CFAP221: variants seen among roughly 807,000 people sequenced by gnomAD.
CFAP221 encodes cilia and flagella associated protein 221.
A neutral mutation model predicts 113.1 loss-of-function variants in CFAP221; 97 were observed. That is an observed-to-expected ratio of 0.86 (90% CI 0.73 to 1.02). The LOEUF is 1.02. Among genes scored for constraint, CFAP221 ranks in the 50% least tolerant of loss-of-function variants. The pLI is 0.00. For synonymous variants in CFAP221, 331 were observed against 354.4 expected (o/e 0.93, Z 0.74); for missense variants, 1,025 against 1,013.4 (o/e 1.01, Z -0.16).
intron 14 of CFAP221, among the ~76,000 whole-genome samples, chr2:119,622,470 A>G (rs1685999411): frequency 6.6e-6 from 1 of 152,218 alleles, no homozygotes; most frequent in Admixed American, 6.5e-5. Flanking sequence ...TCCTTCTGAA[A>G]CTATTCCAAA....
At chr2:119,638,182 C>A in intron 19 of CFAP221, 77 bp from the exon 20 acceptor site, 3 of 1,485,088 alleles carry the variant, frequency 2.0e-6, no homozygotes, top group Non-Finnish European at 2.8e-6. Context: ...CCACAGACAG[C>A]ATTAGCTGAT....
chr2:119,593,530 G>A (rs1345200456), intron 7 of CFAP221, among the ~76,000 whole-genome samples: 2 of 152,086 alleles, frequency 1.3e-5, no homozygotes, highest in Non-Finnish European at 2.9e-5. Context: ...GTGGGGAGGT[G>A]CCAGGTTCTT....
At chr2:119,566,427 G>A (rs534018798) in intron 6 of CFAP221, among the ~76,000 whole-genome samples, 42 of 152,254 alleles carry the variant, frequency 2.8e-4, no homozygotes, top group Non-Finnish European at 3.1e-4. Flanking sequence ...TCTCACCTTT[G>A]GTCTCCTAGC....
chr2:119,572,121 A>C (rs1682102743), intron 6 of CFAP221, among the ~76,000 whole-genome samples: 4 of 152,170 alleles, frequency 2.6e-5, no homozygotes, highest in Admixed American at 2.6e-4. Context: ...GATGGTTATA[A>C]ATTTTCCTTA....
chr2:119,632,000 G>T (rs1467531043), intron 19 of CFAP221, among the ~76,000 whole-genome samples: 1 of 152,170 alleles, frequency 6.6e-6, no homozygotes, highest in Non-Finnish European at 1.5e-5. Context: ...ATCTGTTAAA[G>T]AAATTGAATT....
intron 16 of CFAP221, among the ~76,000 whole-genome samples, chr2:119,628,365 A>C (rs916770027): frequency 6.8e-6 from 1 of 147,800 alleles, no homozygotes; most frequent in African/African-American, 2.5e-5. Flanking sequence ...CAGGAGGTAT[A>C]ATGGCTCATC....
rs561545728 is a variant in CFAP221 at position 119,621,909 on chromosome 2, G to A, written c.1411-3674G>A. On this transcript the variant is annotated intron_variant, in intron 14 of 23. Transcript: ENST00000413369. The stretch of plus-strand genomic sequence containing the variant: ...AGTAATGTTTAGAGGGAAATTTATA[G>A]CACTAAATGCCCACAGGAGAAAGCA... Among the ~76,000 whole-genome samples, 7 of 152,290 alleles carry A rather than the reference G, an allele frequency of 4.6e-5. No homozygotes were observed. The South Asian group carries it at 1.5e-3, about 32-fold the overall frequency.
In CFAP221 at chr2:119,611,745, G is replaced by T; in HGVS notation, c.1311+3G>T. 6.2e-7 allele frequency: 1 copy of T among 1,606,802 alleles called. No individual in the cohort carries two copies. The highest frequency in any genetic ancestry group is 1.1e-5 in the South Asian group (1 of 89,988). On this transcript the variant is annotated splice_donor_region_variant and intron_variant, in intron 13 of 23. Transcript: ENST00000413369. ...GGGTTGTTCGCAATCAAGAAGAGGT[G>T]GGTAACTTTCCTTTATTTAGAATCT...
intron 3 of CFAP221, among the ~76,000 whole-genome samples, chr2:119,553,824 C>G (rs1680592882): frequency 1.3e-5 from 2 of 152,148 alleles, no homozygotes. Context: ...TTGCTGCTTC[C>G]CCAGCACCTT....
intron 6 of CFAP221, among the ~76,000 whole-genome samples, chr2:119,567,823 G>A (rs1681756977): frequency 6.6e-6 from 1 of 152,144 alleles, no homozygotes; most frequent in African/African-American, 2.4e-5. Context: ...TGTTAGTTTT[G>A]TAATTGTTGC....
chr2:119,625,640 G>T lies in CFAP221; in HGVS notation c.1468G>T (p.Glu490Ter). The T allele has an allele frequency of 6.2e-7, 1 of 1,613,966 alleles. No homozygotes were observed. The highest frequency in any genetic ancestry group is 8.5e-7 in the Non-Finnish European group (1 of 1,179,806). The change falls in exon 15 of 24, where the codon GAG (glutamate) becomes TAG (stop). Residue 490 changes from glutamate (E) to a stop codon, truncating the protein, a stop_gained. Transcript: ENST00000413369. LOFTEE classifies it high-confidence loss of function. ...GAGTGCTGTTCGTGAAATGGACAAA[G>T]AGAGTATACTGAGAAAGATTGGCCA... ...MLSAVREMDKESILRKIGQAK... is the reference protein window; with the variant it reads ...MLSAVREMDK
At chr2:119,546,419 A>G (rs569102394) in intron 2 of CFAP221, 149 bp downstream of exon 2, 6 of 937,628 alleles carry the variant, frequency 6.4e-6, no homozygotes, top group African/African-American at 5.0e-5. Context: ...CAGTAGTTCT[A>G]TTTAGATCCA....
At chr2:119,655,757 C>T (rs1321245358) in intron 23 of CFAP221, among the ~76,000 whole-genome samples, 1 of 152,066 alleles carries the variant, frequency 6.6e-6, no homozygotes, top group Non-Finnish European at 1.5e-5. Flanking sequence ...AGGTCCTCCC[C>T]ATCTCTCCGC....
chr2:119,560,110 G>GT, intron 5 of CFAP221, 84 bp downstream of exon 5: 4 of 1,099,690 alleles, frequency 3.6e-6, no homozygotes, highest in Non-Finnish European at 2.6e-6. Context: ...CAGAAAGAGA[G>GT]GTGGAATGAC....
Position 119,649,619 on chromosome 2 carries a change from G to T in CFAP221, c.2319-2355G>T, listed in dbSNP as rs1375565020. On this transcript the variant is annotated intron_variant, in intron 22 of 23. Coordinates refer to ENST00000413369, the MANE Select transcript of CFAP221 (RefSeq NM_001271049.2). ...CTTAGTGAAGCTGCCCAGCATTGAT[G>T]CAGTCTCGTCTGCATGTCTCCCACA... Among the ~76,000 whole-genome samples, 3 of 152,186 alleles carry T rather than the reference G, an allele frequency of 2.0e-5. No homozygotes were observed. In the South Asian group the frequency reaches 6.2e-4, roughly 32 times the overall value.
chr2:119,616,855 C>T (rs530393420), intron 14 of CFAP221, among the ~76,000 whole-genome samples: 1 of 152,340 alleles, frequency 6.6e-6, no homozygotes, highest in African/African-American at 2.4e-5. Flanking sequence ...TCCTCGGTGC[C>T]ATGTGCTTCT....
chr2:119,549,082 TA>T lies in CFAP221; in HGVS notation c.140-2del. ...GATGTGCTTATCTACATTGTTTTTA[TA>T]GAGGTTTATGCAAAACTTGTGAATA... On this transcript the variant is annotated splice_acceptor_variant, in intron 2 of 23. Transcript: ENST00000413369. LOFTEE classifies it high-confidence loss of function. 1 of 1,514,656 alleles carries T rather than the reference TA, an allele frequency of 6.6e-7. No homozygotes were observed. Among genetic ancestry groups the T allele is most frequent in the Non-Finnish European group, 8.8e-7 (1 of 1,137,270 alleles). The allele number at this position is 1,514,656 out of a possible 1,614,324, so 93.8% of individuals were successfully genotyped here. A position where few individuals can be genotyped will look rare whatever the true frequency, so the allele number is the denominator to read the frequency against.
chr2:119,545,267 C>A (rs964200293), intron 1 of CFAP221: 6 of 152,158 alleles, frequency 3.9e-5, no homozygotes, highest in African/African-American at 1.4e-4. Flanking sequence ...TGCGCAAGGG[C>A]CCCAAGTTAA....
At chr2:119,605,346 A>T (rs1199526553) in intron 11 of CFAP221, 57 bp downstream of exon 11, 1 of 1,333,212 alleles carries the variant, frequency 7.5e-7, no homozygotes, top group African/African-American at 1.5e-5. Flanking sequence ...TTAGGTGATG[A>T]TCTTTTATAA....
Sources: gnomAD v4.1 joint callset for allele counts (sites outside exome capture counted in the v4.1 genomes callset) on GRCh38, gnomAD v4.1.1 for gene constraint, MANE v1.5 for transcripts, NCBI Gene and HGNC (gene_info 2026-07-23, HGNC 2026-07-21) for gene names.